The following DGKI variants were observed in gnomAD, a reference collection of about 807,000 sequenced individuals.
DGKI encodes the protein diacylglycerol kinase iota.
DGKI carries 55 observed loss-of-function variants against 147.5 expected under a neutral mutation model. That is an observed-to-expected ratio of 0.37 (90% CI 0.30 to 0.47). DGKI has a LOEUF of 0.47. Among genes scored for constraint, DGKI ranks in the 20% least tolerant of loss-of-function variants. The pLI is 1.00. For missense variants in DGKI, 1,007 were observed against 1,323.8 expected, an observed-to-expected ratio of 0.76 and a Z score of 3.71; for synonymous variants, 469 against 477.1, an observed-to-expected ratio of 0.98 and a Z score of 0.22.
chr7:137,630,917 T>C (rs1284427727), intron 6 of DGKI, among the ~76,000 whole-genome samples: 1 of 152,198 alleles, frequency 6.6e-6, no homozygotes, highest in Non-Finnish European at 1.5e-5. Context: ...TTTCCACCTC[T>C]GATTAACTCA....
At chr7:137,451,669 G>T (rs540220452) in intron 27 of DGKI, among the ~76,000 whole-genome samples, 1 of 152,190 alleles carries the variant, frequency 6.6e-6, no homozygotes, top group South Asian at 2.1e-4. Flanking sequence ...AATAATGGGT[G>T]TCACGACTAT....
At chr7:137,651,472 G>A (rs1190611972) in intron 5 of DGKI, among the ~76,000 whole-genome samples, 6 of 152,162 alleles carry the variant, frequency 3.9e-5, no homozygotes, top group African/African-American at 9.6e-5. Context: ...AGGTGCATAC[G>A]ATTTTCTTAA....
intron 1 of DGKI, among the ~76,000 whole-genome samples, chr7:137,698,720 G>A (rs1001586154): frequency 6.6e-6 from 1 of 152,130 alleles, no homozygotes; most frequent in Non-Finnish European, 1.5e-5. Context: ...GAAATGGATC[G>A]TTTTGCTATG....
At position 137,383,731 on chromosome 7, in the gene DGKI, A is replaced by C. The variant is rs1333905547; in HGVS notation, c.*7489T>G. 1 of 151,984 alleles carries C rather than the reference A, an allele frequency of 6.6e-6. No homozygotes were observed. The highest frequency in any genetic ancestry group is 1.5e-5 in the Non-Finnish European group (1 of 67,924). The allele number at this position is 151,984 out of a possible 1,614,324, so 9.4% of individuals were successfully genotyped here. On this transcript the variant is annotated 3_prime_UTR_variant, in exon 33 of 33. Coordinates refer to ENST00000614521, the MANE Select transcript of DGKI (RefSeq NM_001321708.2). ...TAAGTAATAAAGCTAACTCCTTTTC[A>C]TGTGTTACTGCTCTTTTCTTTCCTT... is the stretch of plus-strand genomic sequence containing the variant.
chr7:137,779,551 C>T (rs756050438), intron 1 of DGKI, among the ~76,000 whole-genome samples: 3 of 151,876 alleles, frequency 2.0e-5, no homozygotes, highest in Non-Finnish European at 4.4e-5. Flanking sequence ...ACATATTTAC[C>T]AACCATGAAT....
chr7:137,559,319 C>T (rs931329157), intron 19 of DGKI, among the ~76,000 whole-genome samples: 2 of 151,830 alleles, frequency 1.3e-5, no homozygotes, highest in African/African-American at 2.4e-5. Flanking sequence ...GATCTGCCCG[C>T]CTCGGCCTCC....
chr7:137,757,093 T>C (rs114152466), intron 1 of DGKI, among the ~76,000 whole-genome samples: 1,718 of 152,258 alleles, frequency 0.011, 34 homozygotes, highest in African/African-American at 0.04. Context: ...AATAAAGGCA[T>C]GAAAGCCGCC....
At chr7:137,503,088 G>C (rs776287602) in intron 21 of DGKI, among the ~76,000 whole-genome samples, 2 of 152,120 alleles carry the variant, frequency 1.3e-5, no homozygotes, top group Non-Finnish European at 2.9e-5. Context: ...CATTTTTAAA[G>C]GCTCCCCATT....
At chr7:137,756,245 C>G (rs968821339) in intron 1 of DGKI, among the ~76,000 whole-genome samples, 1 of 152,182 alleles carries the variant, frequency 6.6e-6, no homozygotes, top group Non-Finnish European at 1.5e-5. Context: ...CCAAGACCTG[C>G]TGTGCCCTCC....
intron 18 of DGKI, 40 bp from the exon 19 acceptor site, chr7:137,571,326 T>C (rs1467309155): frequency 2.1e-6 from 3 of 1,419,082 alleles, no homozygotes; most frequent in Non-Finnish European, 3.0e-6. Context: ...ATATGTCCCA[T>C]CCTTCTCATG....
intron 21 of DGKI, among the ~76,000 whole-genome samples, chr7:137,520,989 T>C (rs1469063115): frequency 1.3e-5 from 2 of 152,078 alleles, no homozygotes; most frequent in African/African-American, 2.4e-5. Flanking sequence ...TTTGGTTCCA[T>C]ATAAAAGTCA....
At chr7:137,476,212 G>A (rs1466768436) in intron 23 of DGKI, among the ~76,000 whole-genome samples, 1 of 152,142 alleles carries the variant, frequency 6.6e-6, no homozygotes, top group Non-Finnish European at 1.5e-5. Flanking sequence ...TCCACCTACA[G>A]CTTCTGCCCT....
intron 28 of DGKI, among the ~76,000 whole-genome samples, chr7:137,443,389 A>AT (rs1813588799): frequency 6.6e-6 from 1 of 152,192 alleles, no homozygotes; most frequent in Admixed American, 6.5e-5. Flanking sequence ...TCCAAGTAAG[A>AT]TACAAAGGGG....
chr7:137,511,284 G>A (rs1047253748), intron 21 of DGKI, among the ~76,000 whole-genome samples: 10 of 152,222 alleles, frequency 6.6e-5, no homozygotes, highest in South Asian at 2.1e-4. Flanking sequence ...TGACTATAGC[G>A]TCAGACTAGA....
intron 18 of DGKI, 82 bp downstream of exon 18, chr7:137,572,683 C>A: frequency 1.1e-6 from 1 of 934,358 alleles, no homozygotes. Flanking sequence ...TTGTTTACAT[C>A]TGAAACTTTT....
intron 28 of DGKI, among the ~76,000 whole-genome samples, chr7:137,434,192 A>G (rs1325435042): frequency 6.6e-6 from 1 of 151,526 alleles, no homozygotes; most frequent in Admixed American, 6.6e-5. Context: ...TTTTCCCGTT[A>G]CTTTTTTATT....
chr7:137,651,585 C>A (rs553668559), intron 5 of DGKI, among the ~76,000 whole-genome samples: 14 of 152,268 alleles, frequency 9.2e-5, no homozygotes, highest in Admixed American at 9.2e-4. Flanking sequence ...CCAAGAAGGG[C>A]AGACTGGAAA....
chr7:137,456,427 C>G (rs2128922792), intron 27 of DGKI, among the ~76,000 whole-genome samples: 1 of 152,234 alleles, frequency 6.6e-6, no homozygotes, highest in Admixed American at 6.5e-5. Flanking sequence ...CCTTTTCTAT[C>G]AAGGGATGTT....
rs1798709704 is a variant in DGKI at position 137,846,134 on chromosome 7, T to TCTCTCTCTCTC, written c.401+327_401+328insGAGAGAGAGAG. On this transcript the variant is annotated intron_variant, in intron 1 of 32. Transcript: ENST00000614521. The surrounding 1 kb of genome is among the most constrained non-coding windows in gnomAD (Gnocchi z 4.0). ...TCTGCAACCCTTTCTCTCTCTCTCT[T>TCTCTCTCTCTC]TCTCTCTCTCTCTCTCTCTCTCTCT... 4.7e-5 allele frequency among the ~76,000 whole-genome samples: 4 copies of TCTCTCTCTCTC among 85,380 alleles called. No individual in the cohort carries two copies. Among genetic ancestry groups the TCTCTCTCTCTC allele is most frequent in the Non-Finnish European group, 6.6e-5 (3 of 45,208 alleles). 56.0% of individuals were successfully genotyped at this position (85,380 alleles called of 152,430 possible). A position where few individuals can be genotyped will look rare whatever the true frequency, so the allele number is the denominator to read the frequency against.
Sources: gnomAD v4.1 joint callset for allele counts (sites outside exome capture counted in the v4.1 genomes callset) on GRCh38, gnomAD v4.1.1 for gene constraint, Gnocchi (gnomAD v3.1) non-coding constraint, MANE v1.5 for transcripts, NCBI Gene and HGNC (gene_info 2026-07-23, HGNC 2026-07-21) for gene names.